The following ANKRD36C variants were observed in gnomAD, a reference collection of about 807,000 sequenced individuals.
The protein encoded by ANKRD36C is ankyrin repeat domain 36C, also known as ankyrin repeat domain-containing protein 36C.
ANKRD36C carries 61 observed loss-of-function variants against 276.4 expected under a neutral mutation model. The observed-to-expected ratio is 0.22, with a 90% CI of 0.18 to 0.27. ANKRD36C has a LOEUF of 0.27. Among genes scored for constraint, ANKRD36C ranks in the 10% least tolerant of loss-of-function variants. The pLI is 1.00. For missense variants in ANKRD36C, 1,447 were observed against 2,032.3 expected, an observed-to-expected ratio of 0.71 and a Z score of 5.54; for synonymous variants, 483 against 680.1, an observed-to-expected ratio of 0.71 and a Z score of 4.51.
At chr2:95,893,553 T>G in intron 44 of ANKRD36C, 1 of 1,551,940 alleles carries the variant, frequency 6.4e-7, no homozygotes, top group Non-Finnish European at 8.7e-7. Flanking sequence ...TTTTTCTCCA[T>G]CCTTTTTTTC....
intron 64 of ANKRD36C, chr2:95,852,962 A>G (rs1302369150): frequency 2.6e-5 from 4 of 152,304 alleles, no homozygotes; most frequent in Non-Finnish European, 5.9e-5. Flanking sequence ...AAACATGCCA[A>G]AGGAGAAGCC....
At chr2:95,928,220 C>A (rs1677463723) in intron 26 of ANKRD36C, among the ~76,000 whole-genome samples, 1 of 151,618 alleles carries the variant, frequency 6.6e-6, no homozygotes, top group African/African-American at 2.4e-5. Flanking sequence ...TAGAATTCAA[C>A]ATCATTTTTG....
chr2:95,908,897 T>A (rs576574574), intron 42 of ANKRD36C, among the ~76,000 whole-genome samples, 200 bp from the exon 47 acceptor site: 1 of 151,222 alleles, frequency 6.6e-6, no homozygotes, highest in South Asian at 2.1e-4. Context: ...AAATATAGTC[T>A]TAGAATTTCA....
At chr2:95,867,822 A>G (rs1185353446) in intron 59 of ANKRD36C, among the ~76,000 whole-genome samples, 1 of 149,488 alleles carries the variant, frequency 6.7e-6, no homozygotes. Flanking sequence ...ACTTGGGTTA[A>G]TTAAGGAACA....
chr2:95,974,064 A>C (rs1192037381), intron 6 of ANKRD36C, among the ~76,000 whole-genome samples: 1 of 151,814 alleles, frequency 6.6e-6, no homozygotes, highest in East Asian at 1.9e-4. Flanking sequence ...AAAAAAAAAA[A>C]ATCAAGAAAC....
intron 61 of ANKRD36C, among the ~76,000 whole-genome samples, chr2:95,858,790 T>C (rs1465173947): frequency 6.6e-6 from 1 of 152,202 alleles, no homozygotes; most frequent in Non-Finnish European, 1.5e-5. Context: ...TTTTTAAGAT[T>C]GTTTTTTGGG....
intron 26 of ANKRD36C, among the ~76,000 whole-genome samples, chr2:95,928,274 G>A (rs1461366107): frequency 2.0e-5 from 3 of 151,570 alleles, no homozygotes; most frequent in Non-Finnish European, 4.4e-5. Context: ...AGTCTCTAAG[G>A]AAGTTTCATT....
chr2:95,916,093 T>C (rs1308040424), intron 37 of ANKRD36C, 41 bp from the exon 40 acceptor site: 5 of 1,603,500 alleles, frequency 3.1e-6, no homozygotes, highest in African/African-American at 2.7e-5. Flanking sequence ...AAGGTATGTT[T>C]CATAGGCTAT....
At position 95,988,834 on chromosome 2, in the gene ANKRD36C, G is replaced by A. The variant is rs796480384; in HGVS notation, c.198-1628C>T. Among the ~76,000 whole-genome samples the A allele has an allele frequency of 3.2e-4, 49 of 152,070 alleles. 1 individual carries two copies. Among genetic ancestry groups the A allele is most frequent in the African/African-American group, 1.1e-3 (47 of 41,492 alleles). On this transcript the variant is annotated intron_variant, in intron 1 of 66. Coordinates refer to ENST00000456556, the Ensembl canonical transcript of ANKRD36C. Reference sequence around the variant, plus strand: ...AAATAAAAATATTCCCTCTGCCTCTGAAGAGGCTAAAAGTTCACAGAATAT... The same window carrying A: ...AAATAAAAATATTCCCTCTGCCTCTAAAGAGGCTAAAAGTTCACAGAATAT...
At chr2:95,914,074 C>T in intron 40 of ANKRD36C, 34 bp downstream of exon 42, 1 of 1,528,136 alleles carries the variant, frequency 6.5e-7, no homozygotes, top group Non-Finnish European at 8.9e-7. Context: ...TCTATCTCGA[C>T]TGATCATGAC....
At chr2:95,889,896 G>C in intron 47 of ANKRD36C, 25 bp from the exon 68 acceptor site, 1 of 1,606,972 alleles carries the variant, frequency 6.2e-7, no homozygotes. Context: ...AAACACAACA[G>C]TCAATAAATA....
At position 95,991,497 on chromosome 2, in the gene ANKRD36C, C is replaced by G; in HGVS notation, c.197+15G>C. On this transcript the variant is annotated intron_variant, in intron 1 of 66. Transcript: ENST00000456556. ...CAGGCCTCCTCCCGCAGCCCCGGCT[C>G]CCGGCCCCCATTACCTTTCCTTCCT... 1 of 1,578,256 alleles carries G rather than the reference C, an allele frequency of 6.3e-7. No homozygotes were observed. The highest frequency in any genetic ancestry group is 8.6e-7 in the Non-Finnish European group (1 of 1,161,646).
chr2:95,888,613 G>A (rs564152841), intron 48 of ANKRD36C, among the ~76,000 whole-genome samples: 3 of 151,672 alleles, frequency 2.0e-5, no homozygotes, highest in Non-Finnish European at 3.0e-5. Context: ...TACACTTTAC[G>A]TCTCTTCAGT....
At chr2:95,981,020 T>G (rs923336877) in intron 4 of ANKRD36C, among the ~76,000 whole-genome samples, 1 of 152,110 alleles carries the variant, frequency 6.6e-6, no homozygotes, top group African/African-American at 2.4e-5. Context: ...AGTTGCTAAC[T>G]TAAAGTCCTT....
At chr2:95,891,234 A>G (rs1021999301) in intron 46 of ANKRD36C, among the ~76,000 whole-genome samples, 2 of 150,654 alleles carry the variant, frequency 1.3e-5, no homozygotes, top group Admixed American at 6.6e-5. Flanking sequence ...AATAGTTGCT[A>G]CACCAGGGGT....
chr2:95,857,780 G>C (rs1429462916), intron 61 of ANKRD36C, among the ~76,000 whole-genome samples: 5 of 147,642 alleles, frequency 3.4e-5, no homozygotes, highest in African/African-American at 7.3e-5. Flanking sequence ...ACATTCTATA[G>C]AGAACCCCCT....
intron 62 of ANKRD36C, 70 bp from the exon 83 acceptor site, chr2:95,856,250 AAAT>A (rs1268577414): frequency 6.3e-7 from 1 of 1,583,714 alleles, no homozygotes; most frequent in African/African-American, 1.4e-5. Flanking sequence ...TTCTGAAATT[AAAT>A]AATAACCCGA....
At chr2:95,972,928 C>T (rs1678726697) in intron 6 of ANKRD36C, among the ~76,000 whole-genome samples, 1 of 152,200 alleles carries the variant, frequency 6.6e-6, no homozygotes, top group Non-Finnish European at 1.5e-5. Flanking sequence ...TTGTCTTCAA[C>T]TCACCAAGGT....
chr2:95,907,750 A>T (rs1676785194), intron 42 of ANKRD36C, among the ~76,000 whole-genome samples: 2 of 149,340 alleles, frequency 1.3e-5, no homozygotes, highest in African/African-American at 5.0e-5. Flanking sequence ...TAGCTCCTTG[A>T]ACAAGGAAAC....
Sources: allele counts gnomAD v4.1 joint callset (sites outside exome capture counted in the v4.1 genomes callset), GRCh38; gene constraint gnomAD v4.1.1; transcripts MANE v1.5; gene names NCBI Gene and HGNC (gene_info 2026-07-23, HGNC 2026-07-21).